SCN7A: variants seen among roughly 807,000 people sequenced by gnomAD.
SCN7A encodes sodium voltage-gated channel alpha subunit 7, also known as sodium channel protein type 7 subunit alpha.
Under a neutral mutation model 155.2 loss-of-function variants are expected in SCN7A, and 138 were observed. The ratio of observed to expected loss-of-function variants is 0.89; its 90% CI spans 0.77 to 1.02. The LOEUF (loss-of-function observed/expected upper bound fraction) is 1.02, where lower values mean the gene tolerates loss of function less well. SCN7A is among the 50% of genes least tolerant of loss of function. The pLI is 0.00. For synonymous variants in SCN7A, 693 were observed against 649.0 expected, an observed-to-expected ratio of 1.07 and a Z score of -1.03; for missense variants, 2,058 against 1,986.6, an observed-to-expected ratio of 1.04 and a Z score of -0.68.
At chr2:166,443,702 G>T (rs1359565640) in intron 13 of SCN7A, 26 bp from the exon 14 acceptor site, 2 of 1,482,998 alleles carry the variant, frequency 1.3e-6, no homozygotes, top group Admixed American at 2.2e-5. Flanking sequence ...ATACATAGGT[G>T]AGAATATGAT....
chr2:166,405,935 G>T lies in SCN7A; in HGVS notation c.4694C>A (p.Pro1565His). The change falls in exon 26 of 26, where the codon CCC (proline) becomes CAC (histidine). Residue 1565 changes from proline (P) to histidine (H), a missense_variant. Pro to His is a moderately conservative substitution (Grantham distance 77). Transcript: ENST00000643258. ...NKGQLIALDL[P>H]MAVGDRIHCL... Reference sequence around the variant, plus strand: ...ATGAATTCTGTCCCCAACAGCCATGGGGAGGTCCAAAGCAATGAGCTGGCC... The same window carrying T: ...ATGAATTCTGTCCCCAACAGCCATGTGGAGGTCCAAAGCAATGAGCTGGCC... 6.2e-7 allele frequency: 1 copy of T among 1,613,030 alleles called. No individual in the cohort carries two copies. Among genetic ancestry groups the T allele is most frequent in the Non-Finnish European group, 8.5e-7 (1 of 1,179,386 alleles).
At chr2:166,407,019 G>A (rs1300338851) in intron 25 of SCN7A, among the ~76,000 whole-genome samples, 1 of 151,882 alleles carries the variant, frequency 6.6e-6, no homozygotes, top group Non-Finnish European at 1.5e-5. Flanking sequence ...TTTATTGAAT[G>A]CCCAATAAAT....
intron 3 of SCN7A, among the ~76,000 whole-genome samples, chr2:166,475,303 A>T (rs1246540979): frequency 6.7e-6 from 1 of 149,036 alleles, no homozygotes; most frequent in Non-Finnish European, 1.5e-5. Context: ...AAACACAATA[A>T]ATTATAGTAT....
chr2:166,444,165 CA>C (rs1291897763), intron 13 of SCN7A, among the ~76,000 whole-genome samples: 3 of 151,790 alleles, frequency 2.0e-5, no homozygotes, highest in African/African-American at 7.2e-5. Flanking sequence ...AGCAACTAAA[CA>C]ACAACAATGG....
intron 15 of SCN7A, among the ~76,000 whole-genome samples, chr2:166,434,151 A>C (rs1307321939): frequency 6.6e-6 from 1 of 152,112 alleles, no homozygotes; most frequent in Non-Finnish European, 1.5e-5. Flanking sequence ...CACTCCAATA[A>C]TTACTCTTTT....
intron 16 of SCN7A, among the ~76,000 whole-genome samples, chr2:166,431,311 C>T (rs1701727407): frequency 6.6e-6 from 1 of 152,010 alleles, no homozygotes; most frequent in African/African-American, 2.4e-5. Context: ...ATAAAGATGG[C>T]TTTAGTAGGT....
At chr2:166,419,074 C>T (rs939221062) in intron 20 of SCN7A, among the ~76,000 whole-genome samples, 2 of 152,136 alleles carry the variant, frequency 1.3e-5, no homozygotes, top group African/African-American at 2.4e-5. Context: ...GAGTCAGTTT[C>T]CCTGGCAAAT....
chr2:166,424,088 C>A (rs1017236788), intron 18 of SCN7A, among the ~76,000 whole-genome samples: 1 of 151,862 alleles, frequency 6.6e-6, no homozygotes, highest in Non-Finnish European at 1.5e-5. Flanking sequence ...AAAAAGCAAG[C>A]AAGGATTAAA....
intron 2 of SCN7A, among the ~76,000 whole-genome samples, chr2:166,483,944 A>T (rs1234165499): frequency 6.6e-6 from 1 of 152,006 alleles, no homozygotes; most frequent in Non-Finnish European, 1.5e-5. Flanking sequence ...AAAAAAGATT[A>T]TAGTACATCC....
Position 166,432,476 on chromosome 2 carries a change from T to C in SCN7A, c.2434A>G (p.Ser812Gly). The C allele has an allele frequency of 6.2e-7, 1 of 1,613,700 alleles. No homozygotes were observed. The highest frequency in any genetic ancestry group is 8.5e-7 in the Non-Finnish European group (1 of 1,179,674). Residue 812 changes from serine (S) to glycine (G), a missense_variant, in exon 16 of 26, where the codon AGT becomes GGT. Coordinates refer to ENST00000643258, the MANE Select transcript of SCN7A (RefSeq NM_002976.4). Reference protein sequence around the residue: ...QDFLKDKEKSSGTEKNATENE... With the variant: ...QDFLKDKEKSGGTEKNATENE... ...TCAGTAGCGTTTTTCTCTGTGCCAC[T>C]GCTTTTTTCCTTATCTTTGAGAAAA...
intron 14 of SCN7A, among the ~76,000 whole-genome samples, chr2:166,442,107 C>T (rs749304125): frequency 2.6e-5 from 4 of 152,058 alleles, no homozygotes; most frequent in Admixed American, 6.6e-5. Context: ...TTTTCCTATA[C>T]GTTGACATGA....
chr2:166,418,266 A>G (rs930513999), intron 20 of SCN7A, among the ~76,000 whole-genome samples: 1 of 138,266 alleles, frequency 7.2e-6, no homozygotes, highest in East Asian at 2.1e-4. Flanking sequence ...CATTACAGGC[A>G]CACGCCACCC....
chr2:166,410,371 T>C, intron 23 of SCN7A, 47 bp from the exon 24 acceptor site: 1 of 1,342,892 alleles, frequency 7.4e-7, no homozygotes, highest in Non-Finnish European at 1.0e-6. Context: ...TTAATCCAAA[T>C]TTTCCCTTAT....
chr2:166,457,617 T>C (rs1454869588), intron 10 of SCN7A, among the ~76,000 whole-genome samples: 4 of 152,208 alleles, frequency 2.6e-5, no homozygotes, highest in African/African-American at 9.6e-5. Context: ...GAAGAACCTT[T>C]AGACAAGCTA....
chr2:166,407,644 G>C (rs1701103910), intron 25 of SCN7A, among the ~76,000 whole-genome samples: 1 of 151,754 alleles, frequency 6.6e-6, no homozygotes, highest in African/African-American at 2.4e-5. Context: ...CATTATGCAG[G>C]AAGTATCACT....
Position 166,472,200 on chromosome 2 carries a change from T to C in SCN7A, c.572+117A>G, listed in dbSNP as rs182481066. On this transcript the variant is annotated intron_variant, in intron 6 of 25. Transcript: ENST00000643258. ...GCTCACTATGACCATAACTTTGAAG[T>C]ATTCTTCACTTGCAGACTATCTGCA... 1.4e-4 allele frequency: 141 copies of C among 980,502 alleles called. 1 individual carries two copies. The East Asian group carries it at 3.9e-3, about 27-fold the overall frequency. 60.7% of individuals were successfully genotyped at this position (980,502 alleles called of 1,614,324 possible).
Position 166,470,719 on chromosome 2 carries a change from A to G in SCN7A, c.573-13T>C, listed in dbSNP as rs1702635869. ...TCTTATAATAACCCTGTGGAATTAA[A>G]TTAGAGTTACTTAAAAGTCATATTA... On this transcript the variant is annotated splice_polypyrimidine_tract_variant and intron_variant, in intron 6 of 25. Transcript: ENST00000643258. 1.3e-6 allele frequency: 2 copies of G among 1,586,012 alleles called. No individual in the cohort carries two copies. The highest frequency in any genetic ancestry group is 1.2e-5 in the South Asian group (1 of 86,278).
intron 23 of SCN7A, among the ~76,000 whole-genome samples, chr2:166,412,124 T>C (rs1701215553): frequency 6.6e-6 from 1 of 152,064 alleles, no homozygotes; most frequent in East Asian, 1.9e-4. Context: ...AAAGAACTAC[T>C]CTAACTTTGA....
Position 166,470,725 on chromosome 2 carries a change from G to A in SCN7A, c.573-19C>T. The A allele has an allele frequency of 1.3e-6, 2 of 1,579,032 alleles. No homozygotes were observed. The highest frequency in any genetic ancestry group is 1.7e-6 in the Non-Finnish European group (2 of 1,161,350). On this transcript the variant is annotated intron_variant, in intron 6 of 25. Coordinates refer to ENST00000643258, the MANE Select transcript of SCN7A (RefSeq NM_002976.4). ...AATAACCCTGTGGAATTAAATTAGA[G>A]TTACTTAAAAGTCATATTACATCTG...
Sources: gnomAD v4.1 joint callset for allele counts (sites outside exome capture counted in the v4.1 genomes callset) on GRCh38, gnomAD v4.1.1 for gene constraint, MANE v1.5 for transcripts, NCBI Gene and HGNC (gene_info 2026-07-23, HGNC 2026-07-21) for gene names.